The following FAM135B variants were observed in gnomAD, a reference collection of about 807,000 sequenced individuals.
FAM135B encodes the protein protein FAM135B.
In FAM135B, 43 loss-of-function variants were observed where a neutral mutation model predicts 127.7. That is an observed-to-expected ratio of 0.34 (90% CI 0.26 to 0.43). The LOEUF is 0.43. FAM135B is among the 20% of genes least tolerant of loss of function. The pLI, the probability that FAM135B is intolerant of heterozygous loss-of-function variation, is 1.00. For missense variants in FAM135B, 1,558 were observed against 1,725.6 expected (o/e 0.90, Z 1.72); for synonymous variants, 670 against 665.1 (o/e 1.01, Z -0.11).
At chr8:138,473,872 A>G (rs1349692829) in intron 1 of FAM135B, among the ~76,000 whole-genome samples, 2 of 152,178 alleles carry the variant, frequency 1.3e-5, no homozygotes, top group East Asian at 1.9e-4. Context: ...TCATAATTTT[A>G]TTGTTTTAAT....
chr8:138,371,643 A>G (rs942348810), intron 1 of FAM135B, among the ~76,000 whole-genome samples: 1 of 152,116 alleles, frequency 6.6e-6, no homozygotes, highest in Non-Finnish European at 1.5e-5. Flanking sequence ...TGGGTAGACC[A>G]ATTTTCCCCA....
intron 9 of FAM135B, among the ~76,000 whole-genome samples, chr8:138,189,762 C>A (rs541367670): frequency 6.6e-6 from 1 of 152,180 alleles, no homozygotes; most frequent in African/African-American, 2.4e-5. Flanking sequence ...CCAGTGCCTA[C>A]GCTCCAGTTC....
chr8:138,242,696 G>T lies in FAM135B; in HGVS notation c.669+246C>A, dbSNP rs532049943. Among the ~76,000 whole-genome samples the T allele has an allele frequency of 3.9e-5, 6 of 152,250 alleles. No homozygotes were observed. In the South Asian group the frequency reaches 1.2e-3, roughly 32 times the overall value. On this transcript the variant is annotated intron_variant, in intron 7 of 19. Coordinates refer to ENST00000395297, the MANE Select transcript of FAM135B (RefSeq NM_015912.4). This position sits in a 1 kb window ranked among gnomAD's most constrained non-coding sequence, Gnocchi z 9.6. ...TACAGAGAACCATATTCTTCCAAGA[G>T]ACCACATATAACAAGTATCATATGA...
At position 138,481,159 on chromosome 8, in the gene FAM135B, G is replaced by A. The variant is rs567853184; in HGVS notation, c.-20+15512C>T. On this transcript the variant is annotated intron_variant, in intron 1 of 19. Coordinates refer to ENST00000395297, the MANE Select transcript of FAM135B (RefSeq NM_015912.4). ...GCACACAGGATGATACTTGGCACAT[G>A]CTATAGACTTGATTAAATTTCATTT... Among the ~76,000 whole-genome samples, 47 of 152,314 alleles carry A rather than the reference G, an allele frequency of 3.1e-4. No homozygotes were observed. In the East Asian group the frequency reaches 8.1e-3, roughly 26 times the overall value.
intron 17 of FAM135B, among the ~76,000 whole-genome samples, chr8:138,140,170 T>C (rs2130579153): frequency 6.6e-6 from 1 of 152,360 alleles, no homozygotes; most frequent in South Asian, 2.1e-4. Context: ...CCATTTGTTA[T>C]GTGCCATTGT....
chr8:138,466,195 G>A, intron 1 of FAM135B, among the ~76,000 whole-genome samples: 1 of 152,176 alleles, frequency 6.6e-6, no homozygotes, highest in Non-Finnish European at 1.5e-5. Context: ...CTGCGGTGGA[G>A]GGTAAAGGCC....
In FAM135B at chr8:138,445,647, C is replaced by T. The variant is rs191183468; in HGVS notation, c.-20+51024G>A. Among the ~76,000 whole-genome samples the T allele has an allele frequency of 5.6e-3, 848 of 152,226 alleles. 4 individuals are homozygous for T. Among genetic ancestry groups the T allele is most frequent in the Non-Finnish European group, 8.3e-3 (563 of 68,012 alleles). On this transcript the variant is annotated intron_variant, in intron 1 of 19. Transcript: ENST00000395297. ...CTCAATAAATTAGGTATTGATGGGA[C>T]GTATCTCAAAATAATAAGAGCTATT...
chr8:138,294,782 T>C (rs537512167), intron 3 of FAM135B, among the ~76,000 whole-genome samples: 2 of 152,268 alleles, frequency 1.3e-5, no homozygotes, highest in East Asian at 3.9e-4. Flanking sequence ...AAGAAACCTG[T>C]TTAAGGTGAA....
chr8:138,479,143 C>T (rs775228606), intron 1 of FAM135B, among the ~76,000 whole-genome samples: 6 of 152,156 alleles, frequency 3.9e-5, no homozygotes, highest in Admixed American at 2.0e-4. Flanking sequence ...GTATGGAAAG[C>T]GGTGTGGAAC....
chr8:138,385,784 T>C (rs532733288), intron 1 of FAM135B, among the ~76,000 whole-genome samples: 4 of 151,616 alleles, frequency 2.6e-5, no homozygotes, highest in African/African-American at 9.7e-5. Flanking sequence ...TGCACACCAG[T>C]CTGGGTGACA....
chr8:138,451,415 T>C (rs1397151361), intron 1 of FAM135B, among the ~76,000 whole-genome samples: 1 of 152,222 alleles, frequency 6.6e-6, no homozygotes, highest in African/African-American at 2.4e-5. Context: ...AAGAAGATAC[T>C]TGAAGAAATC....
intron 2 of FAM135B, among the ~76,000 whole-genome samples, chr8:138,337,861 C>T (rs530919155): frequency 1.1e-4 from 17 of 152,296 alleles, no homozygotes; most frequent in African/African-American, 3.8e-4. Context: ...TCAAACTATA[C>T]TGCAAGGCTA....
chr8:138,387,408 T>C (rs544590311), intron 1 of FAM135B, among the ~76,000 whole-genome samples: 2 of 152,126 alleles, frequency 1.3e-5, no homozygotes, highest in South Asian at 2.1e-4. Context: ...AGTAGACATA[T>C]AGAGAAAGAA....
intron 3 of FAM135B, among the ~76,000 whole-genome samples, chr8:138,305,375 G>T (rs1826170449): frequency 6.6e-6 from 1 of 152,136 alleles, no homozygotes; most frequent in African/African-American, 2.4e-5. Context: ...CAACTGATCA[G>T]CCCCCTAAGG....
chr8:138,476,938 G>A (rs1814496363), intron 1 of FAM135B, among the ~76,000 whole-genome samples: 2 of 152,176 alleles, frequency 1.3e-5, no homozygotes. Flanking sequence ...TCCCGATTAT[G>A]GAGACTCCTA....
chr8:138,336,209 G>C (rs112679417), intron 2 of FAM135B, among the ~76,000 whole-genome samples: 3,244 of 152,002 alleles, frequency 0.021, 127 homozygotes, highest in African/African-American at 0.073. Flanking sequence ...AGAGAAGCAA[G>C]AGCAAACACA....
In FAM135B at chr8:138,168,019, A is replaced by G; in HGVS notation, c.1134T>C (p.Asp378=). ...LIQTHSQLSL[D]IRNSEYLTSM... ...TAGTGAGGTACTCCGAGTTCCGGATATCCAGGGACAGCTGGCTGTGCGTCT... is the reference window on the plus strand; with the variant it reads ...TAGTGAGGTACTCCGAGTTCCGGATGTCCAGGGACAGCTGGCTGTGCGTCT... Residue 378 remains aspartate (D), a synonymous_variant, in exon 12 of 20, where the codon GAT becomes GAC. Transcript: ENST00000395297. 1 of 1,613,754 alleles carries G rather than the reference A, an allele frequency of 6.2e-7. No individual in the cohort carries two copies. The highest frequency in any genetic ancestry group is 8.5e-7 in the Non-Finnish European group (1 of 1,179,776).
rs143307671 is a variant in FAM135B, at chr8:138,417,135, C to T, written c.-19-49133G>A. Among the ~76,000 whole-genome samples the T allele has an allele frequency of 4.0e-3, 609 of 152,308 alleles. 1 individual carries two copies. The highest frequency in any genetic ancestry group is 6.7e-3 in the Non-Finnish European group (459 of 68,030). On this transcript the variant is annotated intron_variant, in intron 1 of 19. Transcript: ENST00000395297. ...GCTCATCCTCCTAGGCTCACAATAC[C>T]CCTCTAGCTGGCTTTAGCCTTGATT...
At position 138,167,988 on chromosome 8, in the gene FAM135B, G is replaced by T; in HGVS notation, c.1165C>A (p.Pro389Thr). 1.2e-6 allele frequency: 2 copies of T among 1,613,976 alleles called. No individual in the cohort carries two copies. Among genetic ancestry groups the T allele is most frequent in the Non-Finnish European group, 1.7e-6 (2 of 1,179,946 alleles). The change falls in exon 12 of 20, where the codon CCC becomes ACC. Residue 389 changes from proline (P) to threonine (T), a missense_variant. Around this residue, in one of 5 missense-constraint regions of FAM135B, gnomAD observed 115 missense variants for 171.1 expected, o/e 0.67. Transcript: ENST00000395297. ...TCCAGGCACTCTGCAGGCAGCGGGG[G>T]CATGCTAGTGAGGTACTCCGAGTTC... ...IRNSEYLTSM[P>T]PLPAECLDID...
Sources: gnomAD v4.1 joint callset for allele counts (sites outside exome capture counted in the v4.1 genomes callset) on GRCh38, gnomAD v4.1.1 for gene constraint, gnomAD v4.1.1 regional missense constraint, Gnocchi (gnomAD v3.1) non-coding constraint, MANE v1.5 for transcripts, NCBI Gene and HGNC (gene_info 2026-07-23, HGNC 2026-07-21) for gene names.